Variants in DGKB observed in about 807,000 individuals in gnomAD.
DGKB encodes the protein diacylglycerol kinase beta.
In DGKB, 67 loss-of-function variants were observed where a neutral mutation model predicts 114.3. The observed-to-expected ratio is 0.59, with a 90% confidence interval of 0.48 to 0.72. DGKB has a LOEUF of 0.72. DGKB is among the 30% of genes least tolerant of loss of function. The probability of loss-of-function intolerance (pLI) is 0.00; values close to 1 mark genes in which losing one functional copy is unlikely to be tolerated. For missense variants in DGKB, 907 were observed against 975.2 expected, an observed-to-expected ratio of 0.93 and a Z score of 0.93; for synonymous variants, 398 against 323.1, an observed-to-expected ratio of 1.23 and a Z score of -2.49.
intron 1 of DGKB, among the ~76,000 whole-genome samples, chr7:14,885,265 A>C (rs1184637759): frequency 6.6e-6 from 1 of 152,030 alleles, no homozygotes. Context: ...TGGGCACTAC[A>C]CAAATAAATT....
At chr7:14,299,329 C>A (rs1424518505) in intron 23 of DGKB, among the ~76,000 whole-genome samples, 1 of 152,016 alleles carries the variant, frequency 6.6e-6, no homozygotes, top group Non-Finnish European at 1.5e-5. Context: ...ATAGAAAAGC[C>A]TGTTTAATAT....
rs17765247 is a variant in DGKB, at chr7:14,235,155, A to G, written c.2123-57004T>C. On this transcript the variant is annotated intron_variant, in intron 23 of 25. Coordinates refer to ENST00000402815, the MANE Select transcript of DGKB (RefSeq NM_001350709.2). ...CAAACCCCTCCTCTTGATCTTACAG[A>G]AGAAGCTGAGACCACAGAGGTTAGC... is the stretch of plus-strand genomic sequence containing the variant. Among the ~76,000 whole-genome samples, 574 of 152,186 alleles carry G rather than the reference A, an allele frequency of 3.8e-3. 1 individual carries two copies. Among genetic ancestry groups the G allele is most frequent in the Non-Finnish European group, 6.4e-3 (438 of 67,976 alleles).
chr7:14,907,150 G>T (rs1225897826), upstream of DGKB, among the ~76,000 whole-genome samples: 1 of 152,136 alleles, frequency 6.6e-6, no homozygotes, highest in Non-Finnish European at 1.5e-5. Flanking sequence ...GAAAAGACAT[G>T]ATATTATTGC....
intron 23 of DGKB, among the ~76,000 whole-genome samples, chr7:14,232,138 T>G (rs1584608702): frequency 1.3e-5 from 2 of 152,026 alleles, no homozygotes; most frequent in East Asian, 3.9e-4. Context: ...TAAAATGAAG[T>G]GAAGATCTAA....
chr7:14,620,299 AT>A (rs1807373357), intron 15 of DGKB, among the ~76,000 whole-genome samples: 1 of 151,230 alleles, frequency 6.6e-6, no homozygotes, highest in Non-Finnish European at 1.5e-5. Flanking sequence ...TTCACAATGG[AT>A]TTTTAGATAA....
intron 13 of DGKB, among the ~76,000 whole-genome samples, chr7:14,665,387 G>T (rs1035439961): frequency 1.3e-5 from 2 of 151,838 alleles, no homozygotes; most frequent in Non-Finnish European, 2.9e-5. Context: ...GTGGGAGGAG[G>T]AAGAGGATGA....
At chr7:14,398,685 A>G (rs992283841) in intron 21 of DGKB, among the ~76,000 whole-genome samples, 1 of 151,978 alleles carries the variant, frequency 6.6e-6, no homozygotes, top group African/African-American at 2.4e-5. Context: ...AATAGAGATT[A>G]GAAGCTCATC....
At chr7:14,928,166 G>T (rs970482973) in intron 1 of DGKB, among the ~76,000 whole-genome samples, 4 of 152,022 alleles carry the variant, frequency 2.6e-5, no homozygotes, top group Non-Finnish European at 4.4e-5. Flanking sequence ...TCTTTCAACA[G>T]ATATTTAATG....
chr7:14,700,485 G>C (rs1045310259), intron 7 of DGKB, among the ~76,000 whole-genome samples: 5 of 152,020 alleles, frequency 3.3e-5, no homozygotes, highest in Non-Finnish European at 5.9e-5. Context: ...CAAAATGCTG[G>C]GATTACAGGC....
intron 5 of DGKB, among the ~76,000 whole-genome samples, chr7:14,721,482 C>T (rs1829157320): frequency 6.6e-6 from 1 of 151,984 alleles, no homozygotes; most frequent in Non-Finnish European, 1.5e-5. Flanking sequence ...ATATTGTTAA[C>T]TGAACACTTA....
chr7:14,967,650 A>AT (rs1168636654), intron 1 of DGKB, among the ~76,000 whole-genome samples: 2 of 121,976 alleles, frequency 1.6e-5, no homozygotes, highest in African/African-American at 3.8e-5. Flanking sequence ...CATGTGATTT[A>AT]TTAAAAAAAA....
rs1186177329 is a variant in DGKB, at chr7:14,349,761, C to CA, written c.1836-4371dup. On this transcript the variant is annotated intron_variant, in intron 21 of 25. Transcript: ENST00000402815. Reference sequence around the variant, plus strand: ...AAACTGGTTTTAGGTTGTAGAAATGCAAAAAAGCACATTTAAGCATTTATG... The same window carrying CA: ...AAACTGGTTTTAGGTTGTAGAAATGCAAAAAAAGCACATTTAAGCATTTATG... 3.9e-5 allele frequency among the ~76,000 whole-genome samples: 6 copies of CA among 151,900 alleles called. No homozygotes were observed. In the East Asian group the frequency reaches 1.2e-3, roughly 29 times the overall value.
chr7:14,418,544 A>G (rs1745366838), intron 21 of DGKB, among the ~76,000 whole-genome samples: 1 of 151,594 alleles, frequency 6.6e-6, no homozygotes, highest in Admixed American at 6.6e-5. Flanking sequence ...GTTAGCTGTC[A>G]TTAGTACTAT....
chr7:14,424,791 T>C (rs1489997249), intron 21 of DGKB, among the ~76,000 whole-genome samples: 2 of 152,026 alleles, frequency 1.3e-5, no homozygotes, highest in African/African-American at 4.8e-5. Context: ...ATTGCCCAGA[T>C]CACACAGCAA....
chr7:14,540,461 G>C (rs1325971646), intron 20 of DGKB, among the ~76,000 whole-genome samples: 1 of 151,786 alleles, frequency 6.6e-6, no homozygotes, highest in African/African-American at 2.4e-5. Flanking sequence ...AAAGCTCTGG[G>C]GTAAGTTAAA....
At chr7:14,520,617 CTT>C (rs965030232) in intron 20 of DGKB, among the ~76,000 whole-genome samples, 3 of 151,520 alleles carry the variant, frequency 2.0e-5, no homozygotes, top group African/African-American at 7.3e-5. Flanking sequence ...AATTTTTACT[CTT>C]TGTTGTTTTC....
intron 13 of DGKB, among the ~76,000 whole-genome samples, chr7:14,664,567 T>C (rs957686075): frequency 6.6e-6 from 1 of 152,170 alleles, no homozygotes. Context: ...CTTTAAAAAA[T>C]ATTTTGGAGT....
chr7:14,682,705 C>T (rs1340263254), intron 11 of DGKB, 36 bp from the exon 12 acceptor site: 2 of 1,606,348 alleles, frequency 1.2e-6, no homozygotes, highest in African/African-American at 1.3e-5. Flanking sequence ...TAAGAGGACA[C>T]ACTACATAAT....
At chr7:14,970,611 G>A (rs1398107685) in intron 1 of DGKB, among the ~76,000 whole-genome samples, 1 of 152,010 alleles carries the variant, frequency 6.6e-6, no homozygotes, top group Non-Finnish European at 1.5e-5. Flanking sequence ...TCCTCAGAAT[G>A]CTCCCGTGTC....
Sources: allele counts gnomAD v4.1 joint callset (sites outside exome capture counted in the v4.1 genomes callset), GRCh38; gene constraint gnomAD v4.1.1; transcripts MANE v1.5; gene names NCBI Gene and HGNC (gene_info 2026-07-23, HGNC 2026-07-21).